Variants in TBCD observed in about 807,000 individuals in gnomAD.
TBCD encodes tubulin folding cofactor D.
Under a neutral mutation model 169.3 loss-of-function variants are expected in TBCD, and 105 were observed. That is an observed-to-expected ratio of 0.62 (90% CI 0.53 to 0.73). The LOEUF is 0.73. TBCD is among the 30% of genes least tolerant of loss of function. TBCD has a pLI of 0.00. For synonymous variants in TBCD, 700 were observed against 643.9 expected, an observed-to-expected ratio of 1.09 and a Z score of -1.32; for missense variants, 1,444 against 1,600.1, an observed-to-expected ratio of 0.90 and a Z score of 1.66.
At chr17:82,795,622 G>A (rs2050046034) in intron 7 of TBCD, 1 of 985,158 alleles carries the variant, frequency 1.0e-6, no homozygotes, top group Non-Finnish European at 1.2e-6. Context: ...TCAGCCGCTC[G>A]CAGGTTCATT....
intron 17 of TBCD, among the ~76,000 whole-genome samples, chr17:82,899,227 C>T (rs55984428): frequency 0.11 from 15,933 of 149,360 alleles, 1,100 homozygotes; most frequent in South Asian, 0.29. Flanking sequence ...AGCATGTGTC[C>T]TCAGCGCATG....
At position 82,942,542 on chromosome 17, in the gene TBCD, C is replaced by T. The variant is rs369430685; in HGVS notation, c.*79C>T. The T allele has an allele frequency of 1.9e-4, 306 of 1,597,430 alleles. No individual in the cohort carries two copies. The African/African-American group carries it at 3.3e-3, about 17-fold the overall frequency. Reference sequence around the variant, plus strand: ...TGAGGGAGGCCGGTGTGGAAAGCCTCGCACAGTGGTGCCTCCAGCTGTTGA... The same window carrying T: ...TGAGGGAGGCCGGTGTGGAAAGCCTTGCACAGTGGTGCCTCCAGCTGTTGA... On this transcript the variant is annotated 3_prime_UTR_variant, in exon 39 of 39. Transcript: ENST00000355528.
rs937716053 is a variant in TBCD at position 82,806,301 on chromosome 17, G to T, written c.1087+290G>T. Reference sequence around the variant, plus strand: ...CAGCTGGGTGTGTCCTCAGGAAACAGTTCTCCCAGGAAATTGAGTTGGGGT... The same window carrying T: ...CAGCTGGGTGTGTCCTCAGGAAACATTTCTCCCAGGAAATTGAGTTGGGGT... On this transcript the variant is annotated intron_variant, in intron 10 of 38. Transcript: ENST00000355528. The surrounding 1 kb of genome is among the most constrained non-coding windows in gnomAD (Gnocchi z 5.1). 6.6e-6 allele frequency among the ~76,000 whole-genome samples: 1 copy of T among 152,150 alleles called. No individual in the cohort carries two copies. The highest frequency in any genetic ancestry group is 6.5e-5 in the Admixed American group (1 of 15,284).
chr17:82,937,628 G>C (rs2062743929), intron 35 of TBCD: 1 of 599,670 alleles, frequency 1.7e-6, no homozygotes, highest in Non-Finnish European at 2.9e-6. Context: ...GCTCCGGAAA[G>C]GAGCTGCGTG....
rs955982805 is a variant in TBCD at position 82,903,325 on chromosome 17, C to T, written c.1731-80C>T. ...CCGGTTGAGGACTCGTGTGTTGTCT[C>T]CCTCACTTTCTTTTTATGAATTGAA... On this transcript the variant is annotated intron_variant, in intron 18 of 38. Transcript: ENST00000355528. This position sits in a 1 kb window ranked among gnomAD's most constrained non-coding sequence, Gnocchi z 4.8. 5.9e-6 allele frequency: 8 copies of T among 1,358,660 alleles called. No homozygotes were observed. The African/African-American group carries it at 1.2e-4, about 20-fold the overall frequency. The allele number at this position is 1,358,660 out of a possible 1,614,324, so 84.2% of individuals were successfully genotyped here.
In TBCD at chr17:82,837,619, T is replaced by C. The variant is rs554098868; in HGVS notation, c.1318+22685T>C. On this transcript the variant is annotated intron_variant, in intron 13 of 38. Transcript: ENST00000355528. ...TGAGAACTGCAGTGCTAGCGTGTTT[T>C]ACAGTGAAGACCTCGGTGTGATCCT... 1.5e-4 allele frequency among the ~76,000 whole-genome samples: 23 copies of C among 152,324 alleles called. 1 individual carries two copies. The South Asian group carries it at 4.6e-3, about 30-fold the overall frequency.
chr17:82,932,828 CAG>C, intron 34 of TBCD, 93 bp downstream of exon 34: 1 of 1,306,928 alleles, frequency 7.7e-7, no homozygotes, highest in Non-Finnish European at 1.1e-6. Context: ...ATCAGAATTC[CAG>C]GAAATGATCT....
intron 13 of TBCD, among the ~76,000 whole-genome samples, chr17:82,863,796 G>C (rs1170171654): frequency 6.6e-6 from 1 of 152,234 alleles, no homozygotes; most frequent in Non-Finnish European, 1.5e-5. Context: ...GAGGAACCTG[G>C]AGAGGAGTAG....
intron 12 of TBCD, among the ~76,000 whole-genome samples, chr17:82,810,458 G>A (rs1285203393): frequency 6.6e-6 from 1 of 152,226 alleles, no homozygotes; most frequent in Non-Finnish European, 1.5e-5. Context: ...AAAACTGAGT[G>A]TAGACAGCCA....
In TBCD at chr17:82,945,800, G is replaced by T. The variant is rs2063660756; in HGVS notation, c.*3337G>T. The T allele has an allele frequency of 6.6e-6, 1 of 152,210 alleles. No homozygotes were observed. Among genetic ancestry groups the T allele is most frequent in the Admixed American group, 6.5e-5 (1 of 15,288 alleles). The allele number at this position is 152,210 out of a possible 1,614,324, so 9.4% of individuals were successfully genotyped here. A position where few individuals can be genotyped will look rare whatever the true frequency, so the allele number is the denominator to read the frequency against. ...CCAAATATCTTCTGGGGGTGCCCCT[G>T]GTTGAGAACCACTGCTTTAGTGGAT... On this transcript the variant is annotated 3_prime_UTR_variant, in exon 39 of 39. Transcript: ENST00000355528.
At chr17:82,781,774 T>C (rs1319757944) in intron 7 of TBCD, 53 bp downstream of exon 7, 7 of 1,592,348 alleles carry the variant, frequency 4.4e-6, no homozygotes, top group Admixed American at 1.7e-5. Context: ...GCGCCTTACA[T>C]GGGGACCACG....
intron 13 of TBCD, among the ~76,000 whole-genome samples, chr17:82,846,535 G>A (rs1375513319): frequency 6.6e-6 from 1 of 151,910 alleles, no homozygotes; most frequent in Non-Finnish European, 1.5e-5. Context: ...CCTGGCGGTA[G>A]TGAGACTGGC....
intron 8 of TBCD, 137 bp downstream of exon 8, chr17:82,797,939 T>A (rs2050217859): frequency 5.8e-6 from 3 of 514,512 alleles, no homozygotes; most frequent in Non-Finnish European, 9.2e-6. Context: ...TTCTTTTTTT[T>A]GTTGTGGGTT....
intron 7 of TBCD, among the ~76,000 whole-genome samples, chr17:82,793,814 GGCT>G (rs1297836058): frequency 1.3e-5 from 2 of 151,924 alleles, no homozygotes; most frequent in Non-Finnish European, 2.9e-5. Context: ...GCGGGGGCAC[GGCT>G]ACCCTCCGTG....
rs150830584 is a variant in TBCD at position 82,892,209 on chromosome 17, C to T, written c.1564-1338C>T. On this transcript the variant is annotated intron_variant, in intron 16 of 38. Coordinates refer to ENST00000355528, the MANE Select transcript of TBCD (RefSeq NM_005993.5). Reference sequence around the variant, plus strand: ...CACAGAGTCCCCTTGTTCTTGTTCTCGGTGAGACCTGGTCCTGGGCCACCC... The same window carrying T: ...CACAGAGTCCCCTTGTTCTTGTTCTTGGTGAGACCTGGTCCTGGGCCACCC... Among the ~76,000 whole-genome samples the T allele has an allele frequency of 1.9e-3, 296 of 152,248 alleles. 3 individuals are homozygous for T. Among genetic ancestry groups the T allele is most frequent in the African/African-American group, 6.9e-3 (288 of 41,556 alleles).
intron 12 of TBCD, among the ~76,000 whole-genome samples, chr17:82,811,925 A>C (rs1267071944): frequency 6.6e-6 from 1 of 152,134 alleles, no homozygotes; most frequent in South Asian, 2.1e-4. Flanking sequence ...AGGAGGGTTA[A>C]CTTACTCCCC....
At chr17:82,862,944 C>G (rs772827413) in intron 13 of TBCD, among the ~76,000 whole-genome samples, 1 of 152,230 alleles carries the variant, frequency 6.6e-6, no homozygotes, top group Non-Finnish European at 1.5e-5. Flanking sequence ...GCTGGGATAT[C>G]TGGTGACGGC....
chr17:82,846,343 C>T (rs1264464297), intron 13 of TBCD, among the ~76,000 whole-genome samples: 11 of 151,084 alleles, frequency 7.3e-5, no homozygotes, highest in African/African-American at 2.4e-4. Flanking sequence ...TCGTCCAGCC[C>T]TCTGCTGCCC....
chr17:82,830,215 T>C, intron 13 of TBCD: 3 of 1,614,248 alleles, frequency 1.9e-6, no homozygotes, highest in Non-Finnish European at 1.7e-6. Flanking sequence ...CTTAGCTCCT[T>C]GCTGGGATTT....
Sources: allele counts gnomAD v4.1 joint callset (sites outside exome capture counted in the v4.1 genomes callset), GRCh38; gene constraint gnomAD v4.1.1; non-coding constraint Gnocchi (gnomAD v3.1); transcripts MANE v1.5; gene names NCBI Gene and HGNC (gene_info 2026-07-23, HGNC 2026-07-21).